RXFP2: variants seen among roughly 807,000 people sequenced by gnomAD.
The protein encoded by RXFP2 is relaxin family peptide receptor 2.
In RXFP2, 68 loss-of-function variants were observed where a neutral mutation model predicts 88.6. That is an observed-to-expected ratio of 0.77 (90% confidence interval 0.63 to 0.94). The LOEUF (loss-of-function observed/expected upper bound fraction) is 0.94, where lower values mean the gene tolerates loss of function less well. Among genes scored for constraint, RXFP2 ranks in the 40% least tolerant of loss-of-function variants. The pLI, the probability that RXFP2 is intolerant of heterozygous loss-of-function variation, is 0.00. For missense variants in RXFP2, 791 were observed against 893.9 expected, an observed-to-expected ratio of 0.88 and a Z score of 1.47; for synonymous variants, 329 against 306.8, an observed-to-expected ratio of 1.07 and a Z score of -0.76.
intron 7 of RXFP2, among the ~76,000 whole-genome samples, chr13:31,776,106 C>CTT (rs1400920282): frequency 8.4e-6 from 1 of 119,542 alleles, no homozygotes; most frequent in African/African-American, 3.4e-5. Flanking sequence ...CTTTTCTTTT[C>CTT]TTTCTTTCTT....
intron 16 of RXFP2, among the ~76,000 whole-genome samples, chr13:31,796,218 T>A: frequency 6.7e-6 from 1 of 149,884 alleles, no homozygotes; most frequent in East Asian, 1.9e-4. Flanking sequence ...CCCGGCTAAT[T>A]TTTTGTATTT....
At chr13:31,786,270 A>C in intron 11 of RXFP2, 113 bp from the exon 12 acceptor site, 1 of 845,384 alleles carries the variant, frequency 1.2e-6, no homozygotes, top group Non-Finnish European at 2.0e-6. Context: ...AGGTTGGTTA[A>C]ATTGGATTCA....
At chr13:31,756,879 A>G (rs1871980157) in intron 1 of RXFP2, among the ~76,000 whole-genome samples, 1 of 152,072 alleles carries the variant, frequency 6.6e-6, no homozygotes, top group East Asian at 1.9e-4. Flanking sequence ...CCTCGGCCTC[A>G]AAGTGCTGGG....
At chr13:31,772,961 G>A (rs1872787896) in intron 5 of RXFP2, among the ~76,000 whole-genome samples, 1 of 152,194 alleles carries the variant, frequency 6.6e-6, no homozygotes, top group Admixed American at 6.5e-5. Flanking sequence ...AATGTAAATA[G>A]CATTAGTTAA....
At chr13:31,753,505 A>G (rs1871767962) in intron 1 of RXFP2, among the ~76,000 whole-genome samples, 1 of 152,174 alleles carries the variant, frequency 6.6e-6, no homozygotes, top group Non-Finnish European at 1.5e-5. Context: ...CAGCACTGCT[A>G]CCATGCGGGC....
chr13:31,789,126 C>G lies in RXFP2; in HGVS notation c.1078C>G (p.Leu360Val). 1 of 1,602,488 alleles carries G rather than the reference C, an allele frequency of 6.2e-7. No individual in the cohort carries two copies. Among genetic ancestry groups the G allele is most frequent in the Non-Finnish European group, 8.5e-7 (1 of 1,170,666 alleles). ...ESLKQLQSLD[L>V]ERIEIPNINT... Reference sequence around the variant, plus strand: ...CCTATCGTGTGTATTTTCCAGAGACCTGGAAAGGATAGAGATTCCAAATAT... The same window carrying G: ...CCTATCGTGTGTATTTTCCAGAGACGTGGAAAGGATAGAGATTCCAAATAT... The change falls in exon 14 of 18, where the codon CTG (leucine) becomes GTG (valine). Residue 360 changes from leucine to valine, a missense_variant. By Grantham distance (32) the Leu-to-Val change is conservative. Coordinates refer to ENST00000298386, the MANE Select transcript of RXFP2 (RefSeq NM_130806.5).
At chr13:31,795,434 G>T (rs1279012053) in intron 16 of RXFP2, among the ~76,000 whole-genome samples, 1 of 152,166 alleles carries the variant, frequency 6.6e-6, no homozygotes, top group Non-Finnish European at 1.5e-5. Context: ...ACAGGTGTGA[G>T]TGACCACACC....
intron 1 of RXFP2, among the ~76,000 whole-genome samples, chr13:31,753,769 G>T (rs776083977): frequency 2.6e-5 from 4 of 151,736 alleles, no homozygotes; most frequent in Non-Finnish European, 5.9e-5. Flanking sequence ...CTGCTGCTTT[G>T]GGAAGCTTAA....
At chr13:31,776,114 C>CT (rs1478659113) in intron 7 of RXFP2, among the ~76,000 whole-genome samples, 37 of 136,074 alleles carry the variant, frequency 2.7e-4, no homozygotes, top group African/African-American at 7.5e-4. Flanking sequence ...TTCTTTCTTT[C>CT]TTTCTTTCTT....
intron 1 of RXFP2, among the ~76,000 whole-genome samples, chr13:31,752,195 C>T (rs1871700391): frequency 6.6e-6 from 1 of 152,072 alleles, no homozygotes; most frequent in Non-Finnish European, 1.5e-5. Context: ...CACTCTGTTC[C>T]ACAAAGTTAG....
chr13:31,776,536 G>A (rs1017438648), intron 7 of RXFP2, among the ~76,000 whole-genome samples: 3 of 151,914 alleles, frequency 2.0e-5, no homozygotes, highest in Middle Eastern at 3.2e-3. Flanking sequence ...TAAGATTACA[G>A]GCAAGAGCCA....
intron 10 of RXFP2, among the ~76,000 whole-genome samples, chr13:31,782,048 T>C (rs928438346): frequency 7.9e-5 from 12 of 151,914 alleles, no homozygotes; most frequent in Non-Finnish European, 1.5e-4. Context: ...ATAATGTATG[T>C]GAAAGGGGTT....
intron 14 of RXFP2, 119 bp from the exon 15 acceptor site, chr13:31,791,687 A>G: frequency 1.3e-6 from 1 of 746,768 alleles, no homozygotes; most frequent in South Asian, 1.5e-5. Flanking sequence ...CTACTAAACA[A>G]AAATAAACAA....
At chr13:31,776,124 TTC>T (rs958608236) in intron 7 of RXFP2, among the ~76,000 whole-genome samples, 105 of 150,002 alleles carry the variant, frequency 7.0e-4, no homozygotes, top group Middle Eastern at 3.4e-3. Flanking sequence ...CTTTCTTTCT[TTC>T]TTTCTTTCTT....
intron 16 of RXFP2, among the ~76,000 whole-genome samples, chr13:31,794,669 G>T (rs181825437): frequency 6.7e-4 from 102 of 152,206 alleles, no homozygotes; most frequent in Middle Eastern, 3.4e-3. Flanking sequence ...TCAAACTGAG[G>T]CCCAAAGGAT....
At chr13:31,763,934 A>G (rs1010435077) in intron 3 of RXFP2, among the ~76,000 whole-genome samples, 2 of 152,214 alleles carry the variant, frequency 1.3e-5, no homozygotes, top group Non-Finnish European at 2.9e-5. Context: ...TCCAAAATGT[A>G]TACACTAAAA....
chr13:31,751,314 T>G (rs1871663839), intron 1 of RXFP2, among the ~76,000 whole-genome samples: 1 of 151,848 alleles, frequency 6.6e-6, no homozygotes, highest in South Asian at 2.1e-4. Flanking sequence ...ATATATTATA[T>G]ATATATACAC....
intron 1 of RXFP2, among the ~76,000 whole-genome samples, chr13:31,743,355 C>T (rs187735082): frequency 6.6e-6 from 1 of 152,066 alleles, no homozygotes; most frequent in African/African-American, 2.4e-5. Context: ...GTGGTCCCAG[C>T]TACTCGGGAG....
chr13:31,760,918 T>C (rs1593452572), intron 2 of RXFP2, among the ~76,000 whole-genome samples: 1 of 152,290 alleles, frequency 6.6e-6, no homozygotes, highest in East Asian at 1.9e-4. Context: ...CATTAATATA[T>C]GACAAATTGA....
Sources: allele counts gnomAD v4.1 joint callset (sites outside exome capture counted in the v4.1 genomes callset), GRCh38; gene constraint gnomAD v4.1.1; transcripts MANE v1.5; gene names NCBI Gene and HGNC (gene_info 2026-07-23, HGNC 2026-07-21).